Variants in EML6 observed in about 807,000 individuals in gnomAD.
The protein encoded by EML6 is EMAP like 6, also known as echinoderm microtubule-associated protein-like 6.
A neutral mutation model predicts 240.1 loss-of-function variants in EML6; 154 were observed. The observed-to-expected ratio is 0.64, with a 90% CI of 0.56 to 0.73. The LOEUF is 0.73. Ranked by LOEUF, EML6 falls within the 30% of genes least tolerant of loss-of-function variation. The pLI is 0.00. For missense variants in EML6, 2,964 were observed against 2,474.6 expected (o/e 1.20, Z -4.20); for synonymous variants, 1,148 against 899.0 (o/e 1.28, Z -4.95).
intron 17 of EML6, among the ~76,000 whole-genome samples, chr2:54,887,282 C>T (rs1672200384): frequency 6.6e-6 from 1 of 152,204 alleles, no homozygotes; most frequent in African/African-American, 2.4e-5. Context: ...GTTCAGGGTT[C>T]AAAGTGGCAA....
At chr2:54,944,308 A>G (rs10200365) in intron 28 of EML6, among the ~76,000 whole-genome samples, 47,445 of 152,084 alleles carry the variant, frequency 0.31, 7,735 homozygotes, top group Non-Finnish European at 0.34. Context: ...TCCATGATAC[A>G]ACCATCTGTC....
chr2:54,827,579 G>T lies in EML6; in HGVS notation c.539G>T (p.Cys180Phe). Residue 180 changes from cysteine (C) to phenylalanine (F), a missense_variant, in exon 6 of 42, where the codon TGT (cysteine) becomes TTT (phenylalanine). Coordinates refer to ENST00000356458, the MANE Select transcript of EML6 (RefSeq NM_001039753.4). The part of the protein sequence containing the change: ...GVKHIKFWTL[C>F]GNALTAKRGI... The stretch of plus-strand genomic sequence containing the variant: ...CTTACATTGTAGTTTTGGACACTGT[G>T]TGGAAATGCCCTGACTGCAAAAAGA... 1 of 1,551,532 alleles carries T rather than the reference G, an allele frequency of 6.4e-7. No homozygotes were observed. Among genetic ancestry groups the T allele is most frequent in the African/African-American group, 1.4e-5 (1 of 73,134 alleles).
rs147325743 is a variant in EML6 at position 54,757,296 on chromosome 2, G to A, written c.197+32038G>A. ...GTATTTAAGAGCAAGACCCCTGAAA[G>A]CAAATTGGGAGCTCTATATGAGGGG... On this transcript the variant is annotated intron_variant, in intron 2 of 41. Transcript: ENST00000356458. Among the ~76,000 whole-genome samples the A allele has an allele frequency of 1.1e-3, 167 of 152,228 alleles. 1 individual carries two copies. The highest frequency in any genetic ancestry group is 3.8e-3 in the African/African-American group (157 of 41,534).
intron 16 of EML6, among the ~76,000 whole-genome samples, chr2:54,875,707 A>G (rs1052775682): frequency 6.6e-6 from 1 of 152,240 alleles, no homozygotes; most frequent in Non-Finnish European, 1.5e-5. Context: ...ATGAATTTAT[A>G]TTATCTCAGT....
chr2:54,961,184 G>GTTGTTTTTTTTTGTTTGTTTTTTTT lies in EML6; in HGVS notation c.4968+852_4968+853insGTTTTTTTTTGTTTGTTTTTTTTTT. ...GGAGCCTGGAAGTTATCAGGAAGTAGTTTTTTTTTTTTTTTTTTTGAGACG... is the reference window on the plus strand; with the variant it reads ...GGAGCCTGGAAGTTATCAGGAAGTAGTTGTTTTTTTTTGTTTGTTTTTTTTTTTTTTTTTTTTTTTTTTTGAGACG... On this transcript the variant is annotated intron_variant, in intron 35 of 41. Coordinates refer to ENST00000356458, the MANE Select transcript of EML6 (RefSeq NM_001039753.4). 2.0e-4 allele frequency among the ~76,000 whole-genome samples: 11 copies of GTTGTTTTTTTTTGTTTGTTTTTTTT among 55,424 alleles called. 1 individual carries two copies. The highest frequency in any genetic ancestry group is 1.4e-3 in the South Asian group (2 of 1,456). 36.4% of individuals were successfully genotyped at this position (55,424 alleles called of 152,430 possible).
chr2:54,916,897 G>T lies in EML6; in HGVS notation c.3637G>T (p.Asp1213Tyr). 1 of 1,548,196 alleles carries T rather than the reference G, an allele frequency of 6.5e-7. No individual in the cohort carries two copies. The highest frequency in any genetic ancestry group is 8.7e-7 in the Non-Finnish European group (1 of 1,144,074). ...KDCSLLATGD[D>Y]FGFVKLFSYP... ...CTGTTCCCTTTTAGCCACCGGAGATGATTTTGGTTTCGTTAAGCTTTTTTC... is the reference window on the plus strand; with the variant it reads ...CTGTTCCCTTTTAGCCACCGGAGATTATTTTGGTTTCGTTAAGCTTTTTTC... Residue 1213 changes from aspartate (D) to tyrosine (Y), a missense_variant, in exon 26 of 42, where the codon GAT becomes TAT. By Grantham distance (160) the Asp-to-Tyr change is radical (BLOSUM62 -3). Transcript: ENST00000356458.
intron 6 of EML6, 25 bp downstream of exon 6, chr2:54,827,776 G>T (rs1369710132): frequency 6.6e-7 from 1 of 1,514,966 alleles, no homozygotes; most frequent in African/African-American, 1.4e-5. Context: ...GTGGAAATCT[G>T]TGGGTGACCT....
intron 7 of EML6, among the ~76,000 whole-genome samples, chr2:54,838,036 T>C (rs1369215698): frequency 1.3e-5 from 2 of 152,256 alleles, no homozygotes; most frequent in African/African-American, 4.8e-5. Context: ...TTGTTCTCTT[T>C]GTGTGCTGGA....
At chr2:54,899,598 C>G in intron 21 of EML6, 43 bp from the exon 22 acceptor site, 4 of 1,529,580 alleles carry the variant, frequency 2.6e-6, no homozygotes, top group Non-Finnish European at 3.5e-6. Flanking sequence ...GCTAGCCAAA[C>G]AGCATAAGTA....
intron 7 of EML6, among the ~76,000 whole-genome samples, chr2:54,841,502 C>A (rs1046494348): frequency 7.9e-5 from 12 of 151,494 alleles, no homozygotes; most frequent in Admixed American, 7.2e-4. Context: ...TGATTAAGAT[C>A]AAGATTATAG....
At chr2:54,794,802 G>T (rs1440573596) in intron 2 of EML6, among the ~76,000 whole-genome samples, 1 of 152,220 alleles carries the variant, frequency 6.6e-6, no homozygotes, top group African/African-American at 2.4e-5. Flanking sequence ...GTGTAATACA[G>T]TTGTTTGGTT....
chr2:54,884,062 C>T (rs1389670012), intron 17 of EML6, among the ~76,000 whole-genome samples: 1 of 152,168 alleles, frequency 6.6e-6, no homozygotes, highest in African/African-American at 2.4e-5. Flanking sequence ...GCTGAGTATT[C>T]TCTAGTTCCG....
intron 2 of EML6, among the ~76,000 whole-genome samples, chr2:54,741,283 C>G (rs181319546): frequency 6.6e-6 from 1 of 152,142 alleles, no homozygotes; most frequent in African/African-American, 2.4e-5. Context: ...GGTTACTCCC[C>G]TAGCCCATCC....
At chr2:54,818,036 C>T (rs1668156424) in intron 4 of EML6, among the ~76,000 whole-genome samples, 1 of 152,134 alleles carries the variant, frequency 6.6e-6, no homozygotes, top group Non-Finnish European at 1.5e-5. Context: ...TATATACACT[C>T]ATACATAATA....
At chr2:54,954,303 C>T (rs1676127713) in intron 32 of EML6, 147 bp downstream of exon 32, 1 of 690,780 alleles carries the variant, frequency 1.4e-6, no homozygotes, top group African/African-American at 1.8e-5. Context: ...CACTGGGGAT[C>T]CTGGTATAGC....
intron 19 of EML6, 22 bp from the exon 20 acceptor site, chr2:54,894,893 C>T (rs921914852): frequency 1.3e-6 from 2 of 1,505,522 alleles, no homozygotes; most frequent in Non-Finnish European, 1.8e-6. Flanking sequence ...GTATATAATA[C>T]CTCTCATGTG....
At chr2:54,818,821 T>TA (rs1668195684) in intron 4 of EML6, among the ~76,000 whole-genome samples, 1 of 152,196 alleles carries the variant, frequency 6.6e-6, no homozygotes, top group African/African-American at 2.4e-5. Flanking sequence ...CCAGACCCCA[T>TA]AATCTGTGTC....
At chr2:54,781,697 T>A (rs1358478282) in intron 2 of EML6, among the ~76,000 whole-genome samples, 1 of 152,062 alleles carries the variant, frequency 6.6e-6, no homozygotes, top group Non-Finnish European at 1.5e-5. Context: ...TGAGACAGGG[T>A]CTCATTCTGT....
intron 17 of EML6, among the ~76,000 whole-genome samples, chr2:54,889,424 A>G (rs1051898747): frequency 7.2e-5 from 7 of 97,412 alleles, no homozygotes; most frequent in Non-Finnish European, 1.2e-4. Flanking sequence ...TTCCTTTCCA[A>G]GAACATGGGA....
Sources: gnomAD v4.1 joint callset for allele counts (sites outside exome capture counted in the v4.1 genomes callset) on GRCh38, gnomAD v4.1.1 for gene constraint, MANE v1.5 for transcripts, NCBI Gene and HGNC (gene_info 2026-07-23, HGNC 2026-07-21) for gene names.